Variants in NKD1 observed in about 807,000 individuals in gnomAD.
NKD1 encodes protein naked cuticle homolog 1.
Under a neutral mutation model 56.0 loss-of-function variants are expected in NKD1, and 21 were observed. That is an observed-to-expected ratio of 0.38 (90% CI 0.27 to 0.54). NKD1 has a LOEUF of 0.54. Ranked by LOEUF, NKD1 falls within the 20% of genes least tolerant of loss-of-function variation. NKD1 has a pLI of 0.82. For missense variants in NKD1, 578 were observed against 642.7 expected (o/e 0.90, Z 1.09); for synonymous variants, 263 against 265.7 (o/e 0.99, Z 0.10).
At chr16:50,593,334 C>G (rs1481536804) in intron 3 of NKD1, among the ~76,000 whole-genome samples, 9 of 152,150 alleles carry the variant, frequency 5.9e-5, no homozygotes, top group Non-Finnish European at 8.8e-5. Context: ...GAGGTACTAG[C>G]TTCAGGCACC....
rs1224007213 is a variant in NKD1 at position 50,551,574 on chromosome 16, C to T, written c.192+2019C>T. On this transcript the variant is annotated intron_variant, in intron 3 of 9. Transcript: ENST00000268459. The stretch of plus-strand genomic sequence containing the variant: ...CGCCTGGGTTTTCACCAACCTTGGC[C>T]CCAGATGGCCCAGCCAGTGTGTCTG... 2.0e-5 allele frequency among the ~76,000 whole-genome samples: 3 copies of T among 152,060 alleles called. No individual in the cohort carries two copies. The East Asian group carries it at 5.8e-4, about 29-fold the overall frequency.
intron 1 of NKD1, 52 bp from the exon 2 acceptor site, chr16:50,548,665 C>T (rs2151260262): frequency 4.8e-6 from 7 of 1,465,890 alleles, no homozygotes; most frequent in South Asian, 2.6e-5. Flanking sequence ...TTCTTTCCTT[C>T]TCCCGCCGCC....
intron 3 of NKD1, chr16:50,574,080 A>T (rs1960942230): frequency 1.2e-6 from 1 of 827,502 alleles, no homozygotes; most frequent in Non-Finnish European, 1.5e-6. Context: ...CAGATGGTAA[A>T]ACTGAGGCTC....
At chr16:50,593,121 C>G (rs1351631874) in intron 3 of NKD1, among the ~76,000 whole-genome samples, 1 of 152,144 alleles carries the variant, frequency 6.6e-6, no homozygotes, top group Non-Finnish European at 1.5e-5. Context: ...AGCTCAGGCT[C>G]TCCCATCGCC....
In NKD1 at chr16:50,608,371, T is replaced by A. The variant is rs767608541; in HGVS notation, c.259+11T>A. The A allele has an allele frequency of 6.3e-7, 1 of 1,598,234 alleles. No individual in the cohort carries two copies. Among genetic ancestry groups the A allele is most frequent in the Non-Finnish European group, 8.6e-7 (1 of 1,167,044 alleles). On this transcript the variant is annotated intron_variant, in intron 4 of 9. Transcript: ENST00000268459. ...ACTTTCGGCTGGAAGGTATTCGGAGTCCATTGCTCTCTTCCCAGCAGCAGC... is the reference window on the plus strand; with the variant it reads ...ACTTTCGGCTGGAAGGTATTCGGAGACCATTGCTCTCTTCCCAGCAGCAGC...
Position 50,643,157 on chromosome 16 carries a change from C to T in NKD1, c.*9376C>T, listed in dbSNP as rs1962614073. 1 of 152,232 alleles carries T rather than the reference C, an allele frequency of 6.6e-6. No individual in the cohort carries two copies. The highest frequency in any genetic ancestry group is 6.5e-5 in the Admixed American group (1 of 15,282). 9.4% of individuals were successfully genotyped at this position (152,232 alleles called of 1,614,324 possible). A position where few individuals can be genotyped will look rare whatever the true frequency, so the allele number is the denominator to read the frequency against. On this transcript the variant is annotated 3_prime_UTR_variant, in exon 10 of 10. Transcript: ENST00000268459. ...CTGTCCTTGCCCAACTCCTAAGCTG[C>T]AGGATCGCTGAGGAGTCCACATTGC...
rs1277648613 is a variant in NKD1 at position 50,632,742 on chromosome 16, T to G, written c.823+334T>G. ...CTGTTTCTTCCAGCAAGAACCTCGG[T>G]TTCCCTAAGTACAGCACTACTGTGT... On this transcript the variant is annotated intron_variant, in intron 9 of 9. Coordinates refer to ENST00000268459, the MANE Select transcript of NKD1 (RefSeq NM_033119.5). This position sits in a 1 kb window ranked among gnomAD's most constrained non-coding sequence, Gnocchi z 4.1. Among the ~76,000 whole-genome samples, 1 of 149,066 alleles carries G rather than the reference T, an allele frequency of 6.7e-6. No individual in the cohort carries two copies. Among genetic ancestry groups the G allele is most frequent in the Admixed American group, 6.6e-5 (1 of 15,050 alleles).
chr16:50,559,764 C>T (rs902443784), intron 3 of NKD1, among the ~76,000 whole-genome samples: 5 of 151,904 alleles, frequency 3.3e-5, no homozygotes, highest in South Asian at 2.1e-4. Context: ...CACCCTGGAG[C>T]GGATTGGCTG....
At position 50,618,159 on chromosome 16, in the gene NKD1, T is replaced by C. The variant is rs529882574; in HGVS notation, c.260-3443T>C. On this transcript the variant is annotated intron_variant, in intron 4 of 9. Coordinates refer to ENST00000268459, the MANE Select transcript of NKD1 (RefSeq NM_033119.5). ...AAAGGCCTTTTTTCCCCACCCGGTC[T>C]CCTGCTTTCCTTTTTTCTTCCAAAT... 6.2e-4 allele frequency among the ~76,000 whole-genome samples: 95 copies of C among 152,314 alleles called. 1 individual carries two copies. The highest frequency in any genetic ancestry group is 2.2e-3 in the African/African-American group (92 of 41,564).
intron 3 of NKD1, among the ~76,000 whole-genome samples, chr16:50,550,307 G>A (rs1057288996): frequency 1.4e-4 from 22 of 152,082 alleles, no homozygotes; most frequent in African/African-American, 5.1e-4. Context: ...TGGAACTCGC[G>A]CAAGCCTAGG....
chr16:50,641,902 C>T lies in NKD1; in HGVS notation c.*8121C>T, dbSNP rs996405407. On this transcript the variant is annotated 3_prime_UTR_variant, in exon 10 of 10. Transcript: ENST00000268459. ...GCAAAGGGTCCCAGGCTGTGTGAGA[C>T]CCCGCCCAGCACTCCTTAAACAGCC... The T allele has an allele frequency of 6.6e-5, 10 of 152,184 alleles. No individual in the cohort carries two copies. The highest frequency in any genetic ancestry group is 2.2e-4 in the African/African-American group (9 of 41,416). 9.4% of individuals were successfully genotyped at this position (152,184 alleles called of 1,614,324 possible). A position where few individuals can be genotyped will look rare whatever the true frequency, so the allele number is the denominator to read the frequency against.
At position 50,638,954 on chromosome 16, in the gene NKD1, C is replaced by G. The variant is rs1306196791; in HGVS notation, c.*5173C>G. On this transcript the variant is annotated 3_prime_UTR_variant, in exon 10 of 10. Coordinates refer to ENST00000268459, the MANE Select transcript of NKD1 (RefSeq NM_033119.5). The stretch of plus-strand genomic sequence containing the variant: ...CCATGAGCCTGGCACAGATCCCTAT[C>G]TAGACATGAGGCCCTTTAGACATGA... 1 of 152,226 alleles carries G rather than the reference C, an allele frequency of 6.6e-6. No individual in the cohort carries two copies. The highest frequency in any genetic ancestry group is 1.5e-5 in the Non-Finnish European group (1 of 68,070). 9.4% of individuals were successfully genotyped at this position (152,226 alleles called of 1,614,324 possible).
chr16:50,619,799 G>A (rs1444807854), intron 4 of NKD1, among the ~76,000 whole-genome samples: 1 of 152,192 alleles, frequency 6.6e-6, no homozygotes, highest in South Asian at 2.1e-4. Context: ...GATCCACCCA[G>A]GGTCACACAG....
At chr16:50,550,436 G>C (rs1345036396) in intron 3 of NKD1, among the ~76,000 whole-genome samples, 2 of 152,040 alleles carry the variant, frequency 1.3e-5, no homozygotes, top group Admixed American at 6.6e-5. Flanking sequence ...CCATGGGCTG[G>C]GGAGAGGCCA....
intron 3 of NKD1, chr16:50,557,307 A>G (rs1960524425): frequency 6.6e-6 from 1 of 152,220 alleles, no homozygotes; most frequent in Non-Finnish European, 1.5e-5. Flanking sequence ...TGACTGCTTT[A>G]TCTATCCCAC....
At chr16:50,588,498 G>A (rs187237250) in intron 3 of NKD1, among the ~76,000 whole-genome samples, 33 of 152,270 alleles carry the variant, frequency 2.2e-4, no homozygotes, top group Admixed American at 2.0e-3. Context: ...TCAGCAGGGT[G>A]GCTAGAGCTC....
chr16:50,615,927 A>G (rs1961950045), intron 4 of NKD1: 2 of 400,570 alleles, frequency 5.0e-6, no homozygotes, highest in Admixed American at 2.6e-5. Flanking sequence ...AGATACTGCA[A>G]GAAACCATTT....
intron 3 of NKD1, chr16:50,552,438 G>A (rs1020410267): frequency 6.6e-5 from 10 of 152,304 alleles, no homozygotes; most frequent in Non-Finnish European, 1.5e-4. Flanking sequence ...GCAGGCAGAA[G>A]CAGGAGTGGC....
chr16:50,647,051 G>C lies in NKD1; in HGVS notation c.*13270G>C, dbSNP rs1962694520. 1 of 152,326 alleles carries C rather than the reference G, an allele frequency of 6.6e-6. No individual in the cohort carries two copies. Among genetic ancestry groups the C allele is most frequent in the South Asian group, 2.1e-4 (1 of 4,820 alleles). 9.4% of individuals were successfully genotyped at this position (152,326 alleles called of 1,614,324 possible). A position where few individuals can be genotyped will look rare whatever the true frequency, so the allele number is the denominator to read the frequency against. On this transcript the variant is annotated 3_prime_UTR_variant, in exon 10 of 10. Transcript: ENST00000268459. The stretch of plus-strand genomic sequence containing the variant: ...TGTGAGATCGTGAGAACACACAGCT[G>C]GTTGGCAAGCAGCATCAACCAGCTC...
Sources: allele counts gnomAD v4.1 joint callset (sites outside exome capture counted in the v4.1 genomes callset), GRCh38; gene constraint gnomAD v4.1.1; non-coding constraint Gnocchi (gnomAD v3.1); transcripts MANE v1.5; gene names NCBI Gene and HGNC (gene_info 2026-07-23, HGNC 2026-07-21).